The following ZNF350 variants were observed in gnomAD, a reference collection of about 807,000 sequenced individuals.
ZNF350 encodes zinc finger protein 350, also known as KRAB zinc finger protein ZFQR.
ZNF350 carries 5 observed loss-of-function variants against 13.1 expected under a neutral mutation model. The ratio of observed to expected loss-of-function variants is 0.38; its 90% CI spans 0.20 to 0.80. The LOEUF (loss-of-function observed/expected upper bound fraction) is 0.80, where lower values mean the gene tolerates loss of function less well. Ranked by LOEUF, ZNF350 falls within the 30% of genes least tolerant of loss-of-function variation. ZNF350 has a pLI of 0.43. For synonymous variants in ZNF350, 199 were observed against 224.2 expected (o/e 0.89, Z 1.00); for missense variants, 534 against 644.2 (o/e 0.83, Z 1.85).
chr19:51,979,263 G>A (rs1421786796), intron 1 of ZNF350, among the ~76,000 whole-genome samples: 2 of 152,104 alleles, frequency 1.3e-5, no homozygotes, highest in African/African-American at 2.4e-5. Flanking sequence ...ATAATGTCCT[G>A]TGCACTACGT....
intron 2 of ZNF350, among the ~76,000 whole-genome samples, chr19:51,971,171 A>G (rs2085726226): frequency 6.6e-6 from 1 of 152,110 alleles, no homozygotes; most frequent in Non-Finnish European, 1.5e-5. Context: ...CAGAAGGTAC[A>G]CTCTATACTC....
In ZNF350 at chr19:51,974,403, G is replaced by A. The variant is rs1161852202; in HGVS notation, c.-43C>T. Reference sequence around the variant, plus strand: ...AGACAGCATTCAACTGGGATGGTCTGTCTTTGTATCTTCTGGCCTTCTCTT... The same window carrying A: ...AGACAGCATTCAACTGGGATGGTCTATCTTTGTATCTTCTGGCCTTCTCTT... On this transcript the variant is annotated 5_prime_UTR_variant, in exon 2 of 5. Transcript: ENST00000243644. The A allele has an allele frequency of 6.2e-7, 1 of 1,611,518 alleles. No homozygotes were observed.
At chr19:51,967,090 CAGTT>C (rs2085602149) in intron 4 of ZNF350, among the ~76,000 whole-genome samples, 1 of 152,158 alleles carries the variant, frequency 6.6e-6, no homozygotes, top group Admixed American at 6.5e-5. Context: ...AAGGTGAAAG[CAGTT>C]AGCATAAAAC....
chr19:51,980,031 C>CA (rs1239378887), intron 1 of ZNF350, among the ~76,000 whole-genome samples: 2 of 152,184 alleles, frequency 1.3e-5, no homozygotes, highest in Non-Finnish European at 2.9e-5. Context: ...CTAATAATAG[C>CA]AATAGTAAGC....
intron 1 of ZNF350, among the ~76,000 whole-genome samples, chr19:51,979,800 G>A (rs2085989349): frequency 6.6e-6 from 1 of 152,184 alleles, no homozygotes; most frequent in South Asian, 2.1e-4. Context: ...AGAAATCATG[G>A]CACAAACTTC....
intron 1 of ZNF350, chr19:51,974,936 A>G (rs192485580): frequency 6.6e-6 from 1 of 152,438 alleles, no homozygotes; most frequent in African/African-American, 2.4e-5. Context: ...CTGTGAAGAC[A>G]TGTACTTCAG....
intron 1 of ZNF350, among the ~76,000 whole-genome samples, chr19:51,984,458 GTT>G (rs1262879052): frequency 6.6e-6 from 1 of 152,130 alleles, no homozygotes; most frequent in East Asian, 1.9e-4. Context: ...TTAGAAAACA[GTT>G]TGACATCTAT....
In ZNF350 at chr19:51,970,059, A is replaced by ATT. The variant is rs60960172; in HGVS notation, c.16-930_16-929dup. ...AGGCATGTGACACTACGCCTGGCTA[A>ATT]TTTTTTTTTTTTTTTTTTTGAGACG... is the stretch of plus-strand genomic sequence containing the variant. On this transcript the variant is annotated intron_variant, in intron 2 of 4. Coordinates refer to ENST00000243644, the MANE Select transcript of ZNF350 (RefSeq NM_021632.4). 4.7e-3 allele frequency among the ~76,000 whole-genome samples: 534 copies of ATT among 114,464 alleles called. 26 individuals carry two copies. Among genetic ancestry groups the ATT allele is most frequent in the African/African-American group, 0.018 (489 of 27,564 alleles). 75.1% of individuals were successfully genotyped at this position (114,464 alleles called of 152,430 possible).
chr19:51,967,839 G>T lies in ZNF350; in HGVS notation c.238+739C>A, dbSNP rs529037068. 5.9e-5 allele frequency among the ~76,000 whole-genome samples: 9 copies of T among 152,268 alleles called. No homozygotes were observed. The South Asian group carries it at 1.9e-3, about 32-fold the overall frequency. ...GAACAAACGAAAATCCAAACTTAATGGTTTTCTTGGAGGAAAGATGATTCT... is the reference window on the plus strand; with the variant it reads ...GAACAAACGAAAATCCAAACTTAATTGTTTTCTTGGAGGAAAGATGATTCT... On this transcript the variant is annotated intron_variant, in intron 4 of 4. Transcript: ENST00000243644.
intron 1 of ZNF350, among the ~76,000 whole-genome samples, chr19:51,983,419 C>T (rs533456549): frequency 1.5e-4 from 23 of 152,278 alleles, no homozygotes; most frequent in South Asian, 6.2e-4. Flanking sequence ...AGGAAGACCT[C>T]TTTACAGTTA....
rs187948337 is a variant in ZNF350 at position 51,986,107 on chromosome 19, A to T, written c.-172+663T>A. 1.8e-3 allele frequency among the ~76,000 whole-genome samples: 279 copies of T among 152,306 alleles called. 1 individual carries two copies. Among genetic ancestry groups the T allele is most frequent in the African/African-American group, 6.4e-3 (266 of 41,566 alleles). On this transcript the variant is annotated intron_variant, in intron 1 of 4. Transcript: ENST00000243644. ...ACGAGGTCTCTGTCACAACAACTCA[A>T]CCGCTGCCTTTGCAGCCATAGACAA...
chr19:51,982,265 A>C (rs1214313721), intron 1 of ZNF350, among the ~76,000 whole-genome samples: 2 of 152,200 alleles, frequency 1.3e-5, no homozygotes, highest in East Asian at 1.9e-4. Flanking sequence ...TATTTCTGTA[A>C]ACCAATGAGA....
chr19:51,983,324 A>G (rs983757491), intron 1 of ZNF350, among the ~76,000 whole-genome samples: 1 of 152,180 alleles, frequency 6.6e-6, no homozygotes, highest in Non-Finnish European at 1.5e-5. Flanking sequence ...ACAGCCTGAG[A>G]TATGGTCTCG....
intron 1 of ZNF350, among the ~76,000 whole-genome samples, chr19:51,980,064 T>A (rs1177426900): frequency 2.0e-5 from 3 of 152,254 alleles, no homozygotes; most frequent in Non-Finnish European, 2.9e-5. Flanking sequence ...ATGTTGCATT[T>A]GTAAAGAATA....
Position 51,965,605 on chromosome 19 carries a change from G to A in ZNF350, c.848C>T (p.Thr283Ile). The change falls in exon 5 of 5, where the codon ACA becomes ATA. Residue 283 changes from threonine to isoleucine, a missense_variant. Thr to Ile is a moderately conservative substitution (Grantham distance 89, BLOSUM62 -1). Coordinates refer to ENST00000243644, the MANE Select transcript of ZNF350 (RefSeq NM_021632.4). ...TATATAGGGTTTCTCTCCGGTATGT[G>A]TTTTCTGATGTATGTTGAGCCGTGA... ...KKSRLNIHQKTHTGEKPYICS... is the reference protein window; with the variant it reads ...KKSRLNIHQKIHTGEKPYICS... 1 of 1,614,126 alleles carries A rather than the reference G, an allele frequency of 6.2e-7. No homozygotes were observed. The highest frequency in any genetic ancestry group is 1.1e-5 in the South Asian group (1 of 91,078).
intron 1 of ZNF350, among the ~76,000 whole-genome samples, chr19:51,975,207 G>A (rs905012080): frequency 6.6e-6 from 1 of 152,280 alleles, no homozygotes; most frequent in South Asian, 2.1e-4. Context: ...AGTGGCTCAC[G>A]CCTGTAATCC....
chr19:51,965,134 T>C lies in ZNF350; in HGVS notation c.1319A>G (p.Glu440Gly), dbSNP rs776459799. 6.2e-7 allele frequency: 1 copy of C among 1,614,096 alleles called. No individual in the cohort carries two copies. Among genetic ancestry groups the C allele is most frequent in the African/African-American group, 1.3e-5 (1 of 74,946 alleles). Residue 440 changes from glutamate to glycine, a missense_variant, in exon 5 of 5, where the codon GAG (glutamate) becomes GGG (glycine). Glu to Gly is a moderately conservative substitution (Grantham distance 98, BLOSUM62 -2). Coordinates refer to ENST00000243644, the MANE Select transcript of ZNF350 (RefSeq NM_021632.4). ...EAAKVENPPA[E>G]RHSSLHTSDV... The stretch of plus-strand genomic sequence containing the variant: ...ACTGGTGTGTAATGAGCTGTGCCTC[T>C]CTGCAGGAGGATTTTCCACCTTGGC...
chr19:51,984,827 G>T (rs946771303), intron 1 of ZNF350, among the ~76,000 whole-genome samples: 1 of 150,812 alleles, frequency 6.6e-6, no homozygotes, highest in African/African-American at 2.4e-5. Context: ...CTGTAAATTC[G>T]CCTGATCCTT....
In ZNF350 at chr19:51,967,603, C is replaced by T. The variant is rs960548228; in HGVS notation, c.238+975G>A. 2.6e-5 allele frequency among the ~76,000 whole-genome samples: 4 copies of T among 151,892 alleles called. No individual in the cohort carries two copies. The South Asian group carries it at 8.3e-4, about 32-fold the overall frequency. Reference sequence around the variant, plus strand: ...TGACAGGTAACATGGTTTACTGGGACTTGGTGTCATCAGAATACGATGGGG... The same window carrying T: ...TGACAGGTAACATGGTTTACTGGGATTTGGTGTCATCAGAATACGATGGGG... On this transcript the variant is annotated intron_variant, in intron 4 of 4. Transcript: ENST00000243644.
Sources: allele counts gnomAD v4.1 joint callset (sites outside exome capture counted in the v4.1 genomes callset), GRCh38; gene constraint gnomAD v4.1.1; transcripts MANE v1.5; gene names NCBI Gene and HGNC (gene_info 2026-07-23, HGNC 2026-07-21).